The following NRXN1 variants were observed in gnomAD, a reference collection of about 807,000 sequenced individuals.
NRXN1 encodes neurexin-1.
A neutral mutation model predicts 150.9 loss-of-function variants in NRXN1; 39 were observed. The ratio of observed to expected loss-of-function variants is 0.26; its 90% CI spans 0.20 to 0.34. NRXN1 has a LOEUF of 0.34. NRXN1 is among the 10% of genes least tolerant of loss of function. NRXN1 has a pLI of 1.00. For missense variants in NRXN1, 1,815 were observed against 1,949.9 expected, an observed-to-expected ratio of 0.93 and a Z score of 1.30; for synonymous variants, 924 against 757.0, an observed-to-expected ratio of 1.22 and a Z score of -3.62.
At chr2:49,956,897 A>G (rs1179148934) in intron 21 of NRXN1, among the ~76,000 whole-genome samples, 1 of 152,172 alleles carries the variant, frequency 6.6e-6, no homozygotes, top group African/African-American at 2.4e-5. Context: ...TAAGCTGCCT[A>G]CATTCGATCA....
intron 2 of NRXN1, among the ~76,000 whole-genome samples, chr2:50,935,797 T>A (rs1688457974): frequency 6.6e-6 from 1 of 151,752 alleles, no homozygotes; most frequent in South Asian, 2.1e-4. Flanking sequence ...AAATTATCTA[T>A]GGGATGAAAT....
intron 15 of NRXN1, among the ~76,000 whole-genome samples, chr2:50,479,957 A>G (rs986965477): frequency 6.6e-6 from 1 of 151,626 alleles, no homozygotes; most frequent in African/African-American, 2.4e-5. Context: ...TATTTTTAGT[A>G]GAGATTGGGT....
At chr2:50,614,040 A>C (rs1678629378) in intron 8 of NRXN1, among the ~76,000 whole-genome samples, 1 of 152,214 alleles carries the variant, frequency 6.6e-6, no homozygotes, top group Admixed American at 6.5e-5. Context: ...GTGAAGTGGG[A>C]AAGCAAAAAG....
chr2:50,942,477 TCCATA>T (rs1416205264), intron 2 of NRXN1, among the ~76,000 whole-genome samples: 3 of 152,024 alleles, frequency 2.0e-5, no homozygotes, highest in Non-Finnish European at 4.4e-5. Context: ...AGCCACAGGA[TCCATA>T]CCCTACAGAG....
chr2:50,456,171 A>G (rs1558762957), intron 17 of NRXN1, among the ~76,000 whole-genome samples: 1 of 152,116 alleles, frequency 6.6e-6, no homozygotes. Flanking sequence ...TCCTTGTTCA[A>G]GACCCATTTT....
chr2:50,716,143 C>A (rs1380477297), intron 5 of NRXN1, among the ~76,000 whole-genome samples: 1 of 152,102 alleles, frequency 6.6e-6, no homozygotes, highest in Non-Finnish European at 1.5e-5. Context: ...CTATTCCATG[C>A]AACAGGAAGA....
intron 5 of NRXN1, among the ~76,000 whole-genome samples, chr2:50,690,150 T>C (rs959387864): frequency 2.6e-5 from 4 of 152,120 alleles, no homozygotes; most frequent in Non-Finnish European, 5.9e-5. Context: ...GCTTGTATTT[T>C]GAATAACAAC....
chr2:50,859,132 A>C (rs2106018219), intron 5 of NRXN1, among the ~76,000 whole-genome samples: 1 of 152,100 alleles, frequency 6.6e-6, no homozygotes, highest in Non-Finnish European at 1.5e-5. Flanking sequence ...AAGTAAGGGT[A>C]CATTTTTTTT....
chr2:50,115,446 C>A (rs778521064), intron 18 of NRXN1, among the ~76,000 whole-genome samples: 25 of 151,740 alleles, frequency 1.6e-4, no homozygotes, highest in Non-Finnish European at 2.2e-4. Context: ...TGTATATGTA[C>A]TTTCTCATTT....
chr2:50,265,161 G>C (rs1324315720), intron 17 of NRXN1, among the ~76,000 whole-genome samples: 1 of 152,022 alleles, frequency 6.6e-6, no homozygotes, highest in African/African-American at 2.4e-5. Flanking sequence ...TTTTCATAGA[G>C]ATAGGCCAAC....
chr2:50,764,662 C>A (rs1358000293), intron 5 of NRXN1, among the ~76,000 whole-genome samples: 3 of 151,878 alleles, frequency 2.0e-5, no homozygotes, highest in Non-Finnish European at 1.5e-5. Flanking sequence ...GGCCTTGAAC[C>A]CTGGCAATAG....
In NRXN1 at chr2:50,575,135, G is replaced by A. The variant is rs538557156; in HGVS notation, c.1321-22110C>T. The stretch of plus-strand genomic sequence containing the variant: ...AAATGATGTTTATGTCACCTTTCTG[G>A]TGATTTGGAAGATAACATTTTGAGA... On this transcript the variant is annotated intron_variant, in intron 8 of 22. Transcript: ENST00000401669. Among the ~76,000 whole-genome samples the A allele has an allele frequency of 5.9e-5, 9 of 152,316 alleles. No individual in the cohort carries two copies. The East Asian group carries it at 1.7e-3, about 29-fold the overall frequency.
intron 21 of NRXN1, among the ~76,000 whole-genome samples, chr2:50,009,590 A>G (rs1465960364): frequency 6.6e-6 from 1 of 152,134 alleles, no homozygotes; most frequent in East Asian, 1.9e-4. Flanking sequence ...CATGGAGAAA[A>G]TTGCTATTGT....
chr2:49,939,573 A>T (rs912837953), intron 22 of NRXN1, among the ~76,000 whole-genome samples: 4 of 152,188 alleles, frequency 2.6e-5, no homozygotes, highest in African/African-American at 9.7e-5. Context: ...CCCACCCAGG[A>T]TGTTGACCCT....
At chr2:50,614,861 A>C (rs550043334) in intron 8 of NRXN1, among the ~76,000 whole-genome samples, 1 of 152,078 alleles carries the variant, frequency 6.6e-6, no homozygotes, top group South Asian at 2.1e-4. Flanking sequence ...GAAGAAAGAT[A>C]GGGATTAAGG....
chr2:50,443,358 C>A (rs2086130304), intron 17 of NRXN1, among the ~76,000 whole-genome samples: 1 of 152,138 alleles, frequency 6.6e-6, no homozygotes, highest in East Asian at 1.9e-4. Flanking sequence ...TTGCTTTTAG[C>A]TTTGTCTTCA....
Position 50,530,876 on chromosome 2 carries a change from G to A in NRXN1, c.2347+351C>T, listed in dbSNP as rs142373487. On this transcript the variant is annotated intron_variant, in intron 11 of 22. Transcript: ENST00000401669. ...CATGCTTTTATTTATCTGCAAGGAT[G>A]TCACCTACAACCGATCCAAATGTCA... Among the ~76,000 whole-genome samples, 1,486 of 152,200 alleles carry A rather than the reference G, an allele frequency of 9.8e-3. 20 individuals carry two copies. The highest frequency in any genetic ancestry group is 0.033 in the African/African-American group (1,387 of 41,510).
At chr2:50,653,561 C>T (rs1174643477) in intron 5 of NRXN1, among the ~76,000 whole-genome samples, 3 of 152,044 alleles carry the variant, frequency 2.0e-5, no homozygotes, top group Admixed American at 2.0e-4. Flanking sequence ...TTTATGGAGG[C>T]AGTTTTGGCC....
At chr2:50,701,026 T>C (rs891359940) in intron 5 of NRXN1, among the ~76,000 whole-genome samples, 1 of 152,088 alleles carries the variant, frequency 6.6e-6, no homozygotes, top group Admixed American at 6.6e-5. Context: ...CACTACATCA[T>C]AGACAGAAAT....
Sources: gnomAD v4.1 joint callset for allele counts (sites outside exome capture counted in the v4.1 genomes callset) on GRCh38, gnomAD v4.1.1 for gene constraint, MANE v1.5 for transcripts, NCBI Gene and HGNC (gene_info 2026-07-23, HGNC 2026-07-21) for gene names.